The following PDE1C variants were observed in gnomAD, a reference collection of about 807,000 sequenced individuals.
PDE1C encodes the protein phosphodiesterase 1C.
PDE1C carries 62 observed loss-of-function variants against 93.1 expected under a neutral mutation model. That is an observed-to-expected ratio of 0.67 (90% CI 0.54 to 0.82). The LOEUF is 0.82. Ranked by LOEUF, PDE1C falls within the 40% of genes least tolerant of loss-of-function variation. PDE1C has a pLI of 0.00. For synonymous variants in PDE1C, 325 were observed against 310.1 expected (o/e 1.05, Z -0.50); for missense variants, 742 against 884.6 (o/e 0.84, Z 2.04).
chr7:32,411,307 C>T (rs992108113), intron 1 of PDE1C, among the ~76,000 whole-genome samples: 1 of 152,194 alleles, frequency 6.6e-6, no homozygotes, highest in Non-Finnish European at 1.5e-5. Context: ...ATTGCATGAA[C>T]ATCATAGAGT....
chr7:32,234,856 AT>A (rs1807958337), intron 1 of PDE1C, among the ~76,000 whole-genome samples: 1 of 152,036 alleles, frequency 6.6e-6, no homozygotes, highest in Admixed American at 6.6e-5. Context: ...ATGTACATAG[AT>A]GTAAATACCT....
At chr7:31,697,744 G>A in the PDE1C span, among the ~76,000 whole-genome samples, 77 of 152,218 alleles carry the variant, frequency 5.1e-4, no homozygotes, top group African/African-American at 1.7e-3. Flanking sequence ...GGGAAGTGAC[G>A]GAGGGGAAAA....
rs79162047 is a variant in PDE1C, at chr7:32,106,003, T to C, written c.308+63782A>G. 5.1e-3 allele frequency among the ~76,000 whole-genome samples: 772 copies of C among 152,208 alleles called. 6 individuals carry two copies. The highest frequency in any genetic ancestry group is 0.018 in the African/African-American group (729 of 41,528). Reference sequence around the variant, plus strand: ...TACAGCTTACAACTGGAGTTTTACTTACTTGTATTTAGTTTTATTCTTTTT... The same window carrying C: ...TACAGCTTACAACTGGAGTTTTACTCACTTGTATTTAGTTTTATTCTTTTT... On this transcript the variant is annotated intron_variant, in intron 3 of 18. Transcript: ENST00000396193.
intron 2 of PDE1C, among the ~76,000 whole-genome samples, chr7:32,011,983 T>C (rs1412799405): frequency 6.6e-6 from 1 of 152,220 alleles, no homozygotes; most frequent in East Asian, 1.9e-4. Context: ...TATAATGAAC[T>C]AGTATTCCAC....
the PDE1C span, among the ~76,000 whole-genome samples, chr7:31,650,010 G>A: frequency 1.3e-5 from 2 of 151,998 alleles, no homozygotes; most frequent in Non-Finnish European, 2.9e-5. Flanking sequence ...ACAAAGAATT[G>A]GTCCATGTCA....
intron 16 of PDE1C, among the ~76,000 whole-genome samples, chr7:31,798,714 A>T (rs1040392434): frequency 6.6e-6 from 1 of 151,718 alleles, no homozygotes; most frequent in South Asian, 2.1e-4. Flanking sequence ...CTTCTATATC[A>T]AGGGGGTATA....
intron 5 of PDE1C, among the ~76,000 whole-genome samples, chr7:31,875,052 G>T (rs991012089): frequency 6.6e-6 from 1 of 152,164 alleles, no homozygotes; most frequent in Non-Finnish European, 1.5e-5. Context: ...CCACTAGGGC[G>T]CAGGCTATAG....
chr7:32,066,834 G>T (rs944025142), intron 1 of PDE1C, among the ~76,000 whole-genome samples: 1 of 152,210 alleles, frequency 6.6e-6, no homozygotes, highest in African/African-American at 2.4e-5. Context: ...GGGAGGAACT[G>T]AGGTTTATGG....
chr7:32,426,743 C>G (rs1785542236), intron 1 of PDE1C, among the ~76,000 whole-genome samples: 2 of 152,158 alleles, frequency 1.3e-5, no homozygotes, highest in Admixed American at 1.3e-4. Context: ...CTTGAAAGGA[C>G]AGAGTGTTTG....
intron 1 of PDE1C, among the ~76,000 whole-genome samples, chr7:32,331,961 C>T (rs757726132): frequency 6.6e-6 from 1 of 152,066 alleles, no homozygotes; most frequent in Non-Finnish European, 1.5e-5. Context: ...CACATTGGGG[C>T]TTGGAAGGAA....
chr7:31,774,496 T>C (rs920701031), intron 17 of PDE1C, among the ~76,000 whole-genome samples: 2 of 152,226 alleles, frequency 1.3e-5, no homozygotes, highest in Non-Finnish European at 2.9e-5. Flanking sequence ...CCTATATATG[T>C]CTGCATTCTT....
the PDE1C span, among the ~76,000 whole-genome samples, chr7:31,684,335 A>T: frequency 6.6e-6 from 1 of 152,228 alleles, no homozygotes; most frequent in African/African-American, 2.4e-5. Context: ...TACAGGCTGG[A>T]ATATGCTTAA....
chr7:32,239,385 T>C (rs1808379525), intron 1 of PDE1C, among the ~76,000 whole-genome samples: 1 of 152,138 alleles, frequency 6.6e-6, no homozygotes, highest in Admixed American at 6.5e-5. Context: ...AGAAGGAGAC[T>C]CTGTTTCTTT....
chr7:31,784,346 C>A (rs1783695872), intron 16 of PDE1C: 2 of 152,238 alleles, frequency 1.3e-5, no homozygotes, highest in South Asian at 4.1e-4. Context: ...ATCATATTCA[C>A]CTCTAGGTGA....
At chr7:32,364,954 C>A (rs2128086183) in intron 1 of PDE1C, among the ~76,000 whole-genome samples, 1 of 152,344 alleles carries the variant, frequency 6.6e-6, no homozygotes, top group East Asian at 1.9e-4. Flanking sequence ...GCAGAACCTG[C>A]CCTTGATCTG....
the PDE1C span, among the ~76,000 whole-genome samples, chr7:31,627,718 C>T: frequency 7.0e-6 from 1 of 143,362 alleles, no homozygotes; most frequent in Non-Finnish European, 1.5e-5. Flanking sequence ...AGTGACTAAA[C>T]TTGACAGAAT....
At chr7:31,806,855 A>G (rs1251915803) in intron 16 of PDE1C, among the ~76,000 whole-genome samples, 1 of 151,916 alleles carries the variant, frequency 6.6e-6, no homozygotes, top group Non-Finnish European at 1.5e-5. Flanking sequence ...CTGACATAAT[A>G]GGATCCAAAA....
At chr7:32,096,820 AAGAT>A (rs70989634) in intron 3 of PDE1C, among the ~76,000 whole-genome samples, 8,389 of 144,566 alleles carry the variant, frequency 0.058, 394 homozygotes, top group Admixed American at 0.17. Flanking sequence ...AGGGGATAGA[AAGAT>A]AGATAGATAG....
intron 1 of PDE1C, among the ~76,000 whole-genome samples, chr7:32,320,857 G>A (rs938208870): frequency 6.6e-6 from 1 of 152,164 alleles, no homozygotes; most frequent in Non-Finnish European, 1.5e-5. Context: ...CACCAGAGCT[G>A]CATCTTCCTG....
Sources: allele counts gnomAD v4.1 joint callset (sites outside exome capture counted in the v4.1 genomes callset), GRCh38; gene constraint gnomAD v4.1.1; transcripts MANE v1.5; gene names NCBI Gene and HGNC (gene_info 2026-07-23, HGNC 2026-07-21).